The following ICAM1 variants were observed in gnomAD, a reference collection of about 807,000 sequenced individuals.
The protein encoded by ICAM1 is ICAM-1.
In ICAM1, 28 loss-of-function variants were observed where a neutral mutation model predicts 42.3. That is an observed-to-expected ratio of 0.66 (90% confidence interval 0.49 to 0.91). The LOEUF is 0.91. Ranked by LOEUF, ICAM1 falls within the 40% of genes least tolerant of loss-of-function variation. ICAM1 has a pLI of 0.00. For synonymous variants in ICAM1, 304 were observed against 305.9 expected (o/e 0.99, Z 0.07); for missense variants, 637 against 688.6 (o/e 0.93, Z 0.84).
chr19:10,272,912 A>G (rs2039992569), intron 1 of ICAM1, among the ~76,000 whole-genome samples: 1 of 152,042 alleles, frequency 6.6e-6, no homozygotes. Context: ...TTAGCAAGGG[A>G]TGGGGTGGCT....
Position 10,284,377 on chromosome 19 carries a change from C to T in ICAM1, c.926-26C>T, listed in dbSNP as rs756667632. On this transcript the variant is annotated intron_variant, in intron 4 of 6. Coordinates refer to ENST00000264832, the MANE Select transcript of ICAM1 (RefSeq NM_000201.3). The surrounding 1 kb of genome is among the most constrained non-coding windows in gnomAD (Gnocchi z 5.4). ...TTGGGGGTGTGACCTGAACCCGGGG[C>T]GGGGCTCACTGTGTGCCTATTCCAG... is the stretch of plus-strand genomic sequence containing the variant. 7 of 1,611,634 alleles carry T rather than the reference C, an allele frequency of 4.3e-6. No individual in the cohort carries two copies. Among genetic ancestry groups the T allele is most frequent in the South Asian group, 2.2e-5 (2 of 91,072 alleles).
intron 3 of ICAM1, 123 bp from the exon 4 acceptor site, chr19:10,283,910 G>GT: frequency 7.0e-7 from 1 of 1,433,204 alleles, no homozygotes; most frequent in Non-Finnish European, 9.5e-7. Flanking sequence ...TGTTCTAGGC[G>GT]TATGTGACCT....
In ICAM1 at chr19:10,274,929, G is replaced by A. The variant is rs1196902783; in HGVS notation, c.232G>A (p.Val78Met). 7 of 1,614,118 alleles carry A rather than the reference G, an allele frequency of 4.3e-6. No individual in the cohort carries two copies. Among genetic ancestry groups the A allele is most frequent in the Non-Finnish European group, 5.1e-6 (6 of 1,180,056 alleles). The change falls in exon 2 of 7, where the codon GTG (valine) becomes ATG (methionine). Residue 78 changes from valine (V) to methionine (M), a missense_variant. By Grantham distance (21) the Val-to-Met change is conservative. Coordinates refer to ENST00000264832, the MANE Select transcript of ICAM1 (RefSeq NM_000201.3). ...GCTCCTGCCTGGGAACAACCGGAAGGTGTATGAACTGAGCAATGTGCAAGA... is the reference window on the plus strand; with the variant it reads ...GCTCCTGCCTGGGAACAACCGGAAGATGTATGAACTGAGCAATGTGCAAGA... Reference protein sequence around the residue: ...ELLLPGNNRKVYELSNVQEDS... With the variant: ...ELLLPGNNRKMYELSNVQEDS...
At chr19:10,275,150 G>A (rs2040007762) in intron 2 of ICAM1, 122 bp downstream of exon 2, 1 of 981,022 alleles carries the variant, frequency 1.0e-6, no homozygotes. Flanking sequence ...GGGGCTCCTT[G>A]CAGGGCAGGT....
Position 10,271,143 on chromosome 19 carries a change from G to A in ICAM1, c.-17G>A, listed in dbSNP as rs767879490. On this transcript the variant is annotated 5_prime_UTR_variant, in exon 1 of 7. Coordinates refer to ENST00000264832, the MANE Select transcript of ICAM1 (RefSeq NM_000201.3). ...CTGAGCTCCTCTGCTACTCAGAGTT[G>A]CAACCTCAGCCTCGCTATGGCTCCC... The A allele has an allele frequency of 3.1e-6, 5 of 1,611,000 alleles. No homozygotes were observed. In the Admixed American group the frequency reaches 6.7e-5, roughly 22 times the overall value.
chr19:10,283,512 C>T lies in ICAM1; in HGVS notation c.363C>T (p.Leu121=). The change falls in exon 3 of 7, where the codon CTC becomes CTT. Residue 121 remains leucine (L), a synonymous_variant. Transcript: ENST00000264832. The stretch of plus-strand genomic sequence containing the variant: ...CAGAACGGGTGGAACTGGCACCCCT[C>T]CCCTCTTGGCAGCCAGTGGGCAAGA... ...WTPERVELAP[L]PSWQPVGKNL... 6.3e-7 allele frequency: 1 copy of T among 1,587,526 alleles called. No homozygotes were observed.
chr19:10,274,790 G>A lies in ICAM1; in HGVS notation c.93G>A (p.Val31=), dbSNP rs41520346. Residue 31 remains valine, a synonymous_variant, in exon 2 of 7, where the codon GTG becomes GTA. Transcript: ENST00000264832. ...FPGPGNAQTS[V]SPSKVILPRG... is the part of the protein sequence containing the mutation. The stretch of plus-strand genomic sequence containing the variant: ...GACCTGGCAATGCCCAGACATCTGT[G>A]TCCCCCTCAAAAGTCATCCTGCCCC... The A allele has an allele frequency of 2.5e-6, 4 of 1,613,960 alleles. No homozygotes were observed. The highest frequency in any genetic ancestry group is 3.4e-6 in the Non-Finnish European group (4 of 1,179,942).
In ICAM1 at chr19:10,281,063, C is replaced by T. The variant is rs376714640; in HGVS notation, c.332-2418C>T. On this transcript the variant is annotated intron_variant, in intron 2 of 6. Coordinates refer to ENST00000264832, the MANE Select transcript of ICAM1 (RefSeq NM_000201.3). Reference sequence around the variant, plus strand: ...TAATTTTTTGTATTTTTAGTAGAGACGGGGTTTCACCGTGTTAGCCAGGAT... The same window carrying T: ...TAATTTTTTGTATTTTTAGTAGAGATGGGGTTTCACCGTGTTAGCCAGGAT... Among the ~76,000 whole-genome samples, 557 of 151,406 alleles carry T rather than the reference C, an allele frequency of 3.7e-3. 1 individual carries two copies. Among genetic ancestry groups the T allele is most frequent in the Middle Eastern group, 6.8e-3 (2 of 294 alleles).
intron 1 of ICAM1, 124 bp from the exon 2 acceptor site, chr19:10,274,641 C>A: frequency 1.8e-6 from 2 of 1,125,484 alleles, no homozygotes; most frequent in Middle Eastern, 2.8e-4. Context: ...CTTTAACTTC[C>A]ACATCGAAGG....
Position 10,274,820 on chromosome 19 carries a change from A to G in ICAM1, c.123A>G (p.Gly41=). The change falls in exon 2 of 7, where the codon GGA becomes GGG. Residue 41 remains glycine (G), a synonymous_variant. Transcript: ENST00000264832. ...CCTCAAAAGTCATCCTGCCCCGGGG[A>G]GGCTCCGTGCTGGTGACATGCAGCA... ...VSPSKVILPR[G]GSVLVTCSTS... is the part of the protein sequence containing the mutation. The G allele has an allele frequency of 1.2e-6, 2 of 1,614,076 alleles. No individual in the cohort carries two copies. Among genetic ancestry groups the G allele is most frequent in the African/African-American group, 1.3e-5 (1 of 75,022 alleles).
At chr19:10,272,234 A>C (rs546700504) in intron 1 of ICAM1, among the ~76,000 whole-genome samples, 6 of 152,198 alleles carry the variant, frequency 3.9e-5, no homozygotes, top group Non-Finnish European at 8.8e-5. Context: ...GCAGTGAACC[A>C]AGATTGTGCC....
chr19:10,283,797 A>T lies in ICAM1; in HGVS notation c.637+11A>T, dbSNP rs2040080243. The stretch of plus-strand genomic sequence containing the variant: ...AGCTCCAGACCTTTGGTGAGGATTG[A>T]AGAAGCCAGCAGGGAGAAGGTGGGG... On this transcript the variant is annotated intron_variant, in intron 3 of 6. Coordinates refer to ENST00000264832, the MANE Select transcript of ICAM1 (RefSeq NM_000201.3). 2 of 1,589,334 alleles carry T rather than the reference A, an allele frequency of 1.3e-6. No homozygotes were observed. The highest frequency in any genetic ancestry group is 1.7e-6 in the Non-Finnish European group (2 of 1,167,328).
At chr19:10,281,750 G>A (rs1183655392) in intron 2 of ICAM1, among the ~76,000 whole-genome samples, 2 of 134,552 alleles carry the variant, frequency 1.5e-5, no homozygotes, top group Admixed American at 8.1e-5. Flanking sequence ...TTTCCTCTGA[G>A]AGAGACTCTC....
In ICAM1 at chr19:10,284,413, G is replaced by A. The variant is rs199692247; in HGVS notation, c.936G>A (p.Ala312=). 3.5e-5 allele frequency: 56 copies of A among 1,613,182 alleles called. No individual in the cohort carries two copies. The Middle Eastern group carries it at 4.9e-4, about 14-fold the overall frequency. ...LQTVTIYSFP[A]PNVILTKPEV... ...GTGTGCCTATTCCAGGCTTTCCGGC[G>A]CCCAACGTGATTCTGACGAAGCCAG... Residue 312 remains alanine, a synonymous_variant, in exon 5 of 7, where the codon GCG becomes GCA. Transcript: ENST00000264832. The surrounding 1 kb of genome is among the most constrained non-coding windows in gnomAD (Gnocchi z 5.4).
rs1171426844 is a variant in ICAM1 at position 10,274,934 on chromosome 19, T to G, written c.237T>G (p.Tyr79Ter). 1 of 1,614,100 alleles carries G rather than the reference T, an allele frequency of 6.2e-7. No individual in the cohort carries two copies. Among genetic ancestry groups the G allele is most frequent in the Non-Finnish European group, 8.5e-7 (1 of 1,180,046 alleles). Residue 79 changes from tyrosine to a stop codon, truncating the protein, a stop_gained, in exon 2 of 7, where the codon TAT becomes TAG. Coordinates refer to ENST00000264832, the MANE Select transcript of ICAM1 (RefSeq NM_000201.3). LOFTEE classifies it high-confidence loss of function. Reference sequence around the variant, plus strand: ...TGCCTGGGAACAACCGGAAGGTGTATGAACTGAGCAATGTGCAAGAAGATA... The same window carrying G: ...TGCCTGGGAACAACCGGAAGGTGTAGGAACTGAGCAATGTGCAAGAAGATA... ...LLLPGNNRKV[Y>*]ELSNVQEDSQ...
rs1171688556 is a variant in ICAM1, at chr19:10,283,481, G to T, written c.332G>T (p.Trp111Leu). The T allele has an allele frequency of 6.5e-7, 1 of 1,543,210 alleles. No homozygotes were observed. Among genetic ancestry groups the T allele is most frequent in the Non-Finnish European group, 8.7e-7 (1 of 1,143,738 alleles). The change falls in exon 3 of 7, where the codon TGG becomes TTG. Residue 111 changes from tryptophan to leucine, a missense_variant and splice_region_variant. Transcript: ENST00000264832. ...CACCCCCACCTCTGTTTTCCTGCAG[G>T]GACTCCAGAACGGGTGGAACTGGCA... ...STAKTFLTVY[W>L]TPERVELAPL...
chr19:10,271,154 C>T lies in ICAM1; in HGVS notation c.-6C>T, dbSNP rs753928021. On this transcript the variant is annotated 5_prime_UTR_variant, in exon 1 of 7. Transcript: ENST00000264832. ...TGCTACTCAGAGTTGCAACCTCAGCCTCGCTATGGCTCCCAGCAGCCCCCG... is the reference window on the plus strand; with the variant it reads ...TGCTACTCAGAGTTGCAACCTCAGCTTCGCTATGGCTCCCAGCAGCCCCCG... 2.5e-6 allele frequency: 4 copies of T among 1,612,396 alleles called. No homozygotes were observed. The African/African-American group carries it at 4.0e-5, about 16-fold the overall frequency.
chr19:10,274,941 A>G lies in ICAM1; in HGVS notation c.244A>G (p.Ser82Gly). 6.2e-7 allele frequency: 1 copy of G among 1,614,246 alleles called. No individual in the cohort carries two copies. The highest frequency in any genetic ancestry group is 2.2e-5 in the East Asian group (1 of 44,882). Residue 82 changes from serine to glycine, a missense_variant, in exon 2 of 7, where the codon AGC (serine) becomes GGC (glycine). Coordinates refer to ENST00000264832, the MANE Select transcript of ICAM1 (RefSeq NM_000201.3). The stretch of plus-strand genomic sequence containing the variant: ...GAACAACCGGAAGGTGTATGAACTG[A>G]GCAATGTGCAAGAAGATAGCCAACC... ...PGNNRKVYEL[S>G]NVQEDSQPMC...
rs755044702 is a variant in ICAM1 at position 10,284,676 on chromosome 19, C to G, written c.1180+19C>G. The G allele has an allele frequency of 6.2e-7, 1 of 1,613,436 alleles. No homozygotes were observed. Among genetic ancestry groups the G allele is most frequent in the Non-Finnish European group, 8.5e-7 (1 of 1,179,630 alleles). On this transcript the variant is annotated intron_variant, in intron 5 of 6. Transcript: ENST00000264832. The surrounding 1 kb of genome is among the most constrained non-coding windows in gnomAD (Gnocchi z 5.4). Reference sequence around the variant, plus strand: ...GTCCTGTGTGAGTGGGGCTGCTGGTCAATGGCCCCTATCCCCCAAGGCCCA... The same window carrying G: ...GTCCTGTGTGAGTGGGGCTGCTGGTGAATGGCCCCTATCCCCCAAGGCCCA...
Sources: gnomAD v4.1 joint callset for allele counts (sites outside exome capture counted in the v4.1 genomes callset) on GRCh38, gnomAD v4.1.1 for gene constraint, Gnocchi (gnomAD v3.1) non-coding constraint, MANE v1.5 for transcripts, NCBI Gene and HGNC (gene_info 2026-07-23, HGNC 2026-07-21) for gene names.